Variants in GALNT11 observed in about 807,000 individuals in gnomAD.
GALNT11 encodes UDP-GalNAc:polypeptide N-acetylgalactosaminyltransferase 11.
In GALNT11, 47 loss-of-function variants were observed where a neutral mutation model predicts 72.7. The observed-to-expected ratio is 0.65, with a 90% CI of 0.51 to 0.82. The LOEUF (loss-of-function observed/expected upper bound fraction) is 0.82. GALNT11 is among the 40% of genes least tolerant of loss of function. The pLI is 0.00. For synonymous variants in GALNT11, 270 were observed against 286.6 expected, an observed-to-expected ratio of 0.94 and a Z score of 0.58; for missense variants, 677 against 778.4, an observed-to-expected ratio of 0.87 and a Z score of 1.55.
chr7:152,038,888 T>A (rs11977864), intron 1 of GALNT11, among the ~76,000 whole-genome samples: 7,895 of 152,292 alleles, frequency 0.052, 350 homozygotes, highest in East Asian at 0.2. Context: ...TTCTTTTAAT[T>A]TTGCAATATC....
In GALNT11 at chr7:152,100,939, T is replaced by C. The variant is rs1478567499; in HGVS notation, c.419+18T>C. On this transcript the variant is annotated intron_variant, in intron 3 of 11. Coordinates refer to ENST00000430044, the MANE Select transcript of GALNT11 (RefSeq NM_022087.4). ...AATGCAGCGTATGTGCCTTATCGGA[T>C]TTGCAAATACATTTTAACAACACGA... 6.2e-7 allele frequency: 1 copy of C among 1,611,812 alleles called. No individual in the cohort carries two copies. Among genetic ancestry groups the C allele is most frequent in the African/African-American group, 1.3e-5 (1 of 74,780 alleles).
At chr7:152,092,229 C>G (rs1481301202) in intron 1 of GALNT11, among the ~76,000 whole-genome samples, 6 of 152,270 alleles carry the variant, frequency 3.9e-5, no homozygotes, top group African/African-American at 1.4e-4. Flanking sequence ...ATGTCTGTTT[C>G]CCCTAAATGT....
intron 1 of GALNT11, among the ~76,000 whole-genome samples, chr7:152,037,948 T>A (rs1563041243): frequency 6.6e-6 from 1 of 152,098 alleles, no homozygotes; most frequent in African/African-American, 2.4e-5. Flanking sequence ...TTTGTAATTT[T>A]AGTAGAGATG....
intron 3 of GALNT11, 55 bp from the exon 4 acceptor site, chr7:152,103,057 C>T: frequency 6.7e-7 from 1 of 1,501,902 alleles, no homozygotes; most frequent in Non-Finnish European, 9.1e-7. Flanking sequence ...GAATAATAAT[C>T]TAAACCATTC....
chr7:152,116,695 A>C (rs2088893614), intron 8 of GALNT11, among the ~76,000 whole-genome samples: 1 of 152,218 alleles, frequency 6.6e-6, no homozygotes, highest in African/African-American at 2.4e-5. Flanking sequence ...TATTTAACCA[A>C]AACAACACAC....
chr7:152,097,150 TA>T (rs1296160981), intron 2 of GALNT11, among the ~76,000 whole-genome samples: 12 of 152,260 alleles, frequency 7.9e-5, no homozygotes, highest in Admixed American at 7.9e-4. Flanking sequence ...TAAAACTCAG[TA>T]ATAAAAAGAC....
chr7:152,057,004 ATTTT>A (rs71198754), intron 1 of GALNT11, among the ~76,000 whole-genome samples: 2 of 74,918 alleles, frequency 2.7e-5, no homozygotes, highest in South Asian at 5.2e-4. Flanking sequence ...ATGCCCAGCT[ATTTT>A]TTTTTTTTTT....
intron 1 of GALNT11, among the ~76,000 whole-genome samples, chr7:152,071,890 T>TA (rs2084672389): frequency 6.6e-6 from 1 of 151,578 alleles, no homozygotes; most frequent in African/African-American, 2.4e-5. Context: ...ATACTTCTTT[T>TA]AAAAAGTTTT....
intron 1 of GALNT11, among the ~76,000 whole-genome samples, chr7:152,051,147 G>A (rs549150648): frequency 2.0e-5 from 3 of 149,210 alleles, no homozygotes; most frequent in Non-Finnish European, 4.4e-5. Flanking sequence ...ATTGGTGGAG[G>A]CTTCCATTTG....
intron 1 of GALNT11, among the ~76,000 whole-genome samples, chr7:152,068,372 A>G (rs2084436776): frequency 6.6e-6 from 1 of 152,228 alleles, no homozygotes; most frequent in Non-Finnish European, 1.5e-5. Context: ...TTTGCTGAAT[A>G]AAACTCCATT....
chr7:152,113,499 T>G, intron 8 of GALNT11, 101 bp downstream of exon 8: 1 of 1,368,874 alleles, frequency 7.3e-7, no homozygotes, highest in Non-Finnish European at 1.0e-6. Flanking sequence ...CATATTTCTC[T>G]TGGTTAACCT....
intron 8 of GALNT11, among the ~76,000 whole-genome samples, chr7:152,115,050 C>T (rs779494231): frequency 6.6e-6 from 1 of 152,172 alleles, no homozygotes; most frequent in Admixed American, 6.5e-5. Context: ...AGTGCTTCTC[C>T]TACAGCACTG....
intron 1 of GALNT11, among the ~76,000 whole-genome samples, chr7:152,039,154 G>T (rs946194340): frequency 6.6e-6 from 1 of 152,172 alleles, no homozygotes; most frequent in Non-Finnish European, 1.5e-5. Flanking sequence ...CACGCAGACT[G>T]AGGTGCAATT....
At chr7:152,089,706 A>G (rs949027535) in intron 1 of GALNT11, among the ~76,000 whole-genome samples, 3 of 152,254 alleles carry the variant, frequency 2.0e-5, no homozygotes, top group Non-Finnish European at 4.4e-5. Flanking sequence ...GTACAAGGAC[A>G]TAGAATGTAC....
intron 1 of GALNT11, among the ~76,000 whole-genome samples, chr7:152,038,736 C>T (rs117960687): frequency 0.022 from 3,372 of 152,318 alleles, 59 homozygotes; most frequent in South Asian, 0.038. Flanking sequence ...ATTAAAAGGA[C>T]GATCATTGTT....
At chr7:152,086,175 C>A (rs2129028473) in intron 1 of GALNT11, among the ~76,000 whole-genome samples, 1 of 152,168 alleles carries the variant, frequency 6.6e-6, no homozygotes, top group Admixed American at 6.5e-5. Flanking sequence ...TGTGAGCCAC[C>A]ACACCCGGCC....
chr7:152,076,127 C>T (rs1268009389), intron 1 of GALNT11, among the ~76,000 whole-genome samples: 5 of 138,098 alleles, frequency 3.6e-5, no homozygotes, highest in Non-Finnish European at 7.8e-5. Context: ...TTTTAATGTT[C>T]TGTTCCTGCA....
intron 1 of GALNT11, among the ~76,000 whole-genome samples, chr7:152,049,422 A>G (rs1034995264): frequency 7.9e-5 from 12 of 152,314 alleles, no homozygotes; most frequent in African/African-American, 2.9e-4. Context: ...GATAAGATCT[A>G]GAAGATTTCT....
intron 1 of GALNT11, among the ~76,000 whole-genome samples, chr7:152,041,564 G>A (rs752945845): frequency 1.4e-4 from 22 of 152,228 alleles, no homozygotes; most frequent in Non-Finnish European, 2.6e-4. Flanking sequence ...AGTAACACCA[G>A]TAGGTGAATG....
Sources: gnomAD v4.1 joint callset for allele counts (sites outside exome capture counted in the v4.1 genomes callset) on GRCh38, gnomAD v4.1.1 for gene constraint, MANE v1.5 for transcripts, NCBI Gene and HGNC (gene_info 2026-07-23, HGNC 2026-07-21) for gene names.